The following CSMD1 variants were observed in gnomAD, a reference collection of about 807,000 sequenced individuals.
The protein encoded by CSMD1 is CUB and Sushi multiple domains 1.
Under a neutral mutation model 417.5 loss-of-function variants are expected in CSMD1, and 213 were observed. The ratio of observed to expected loss-of-function variants is 0.51; its 90% CI spans 0.46 to 0.57. The LOEUF (loss-of-function observed/expected upper bound fraction) is 0.57. Ranked by LOEUF, CSMD1 falls within the 20% of genes least tolerant of loss-of-function variation. The pLI is 0.00. For missense variants in CSMD1, 6,923 were observed against 4,529.7 expected (o/e 1.53, Z -15.17); for synonymous variants, 2,862 against 1,736.8 (o/e 1.65, Z -16.11).
chr8:4,410,353 G>A (rs749452442), intron 3 of CSMD1, among the ~76,000 whole-genome samples: 13 of 152,160 alleles, frequency 8.5e-5, no homozygotes, highest in Non-Finnish European at 1.8e-4. Context: ...CTGGGAAACT[G>A]CATGGAACCC....
At chr8:4,106,950 C>T (rs1191591120) in intron 3 of CSMD1, among the ~76,000 whole-genome samples, 4 of 152,174 alleles carry the variant, frequency 2.6e-5, no homozygotes, top group Admixed American at 1.3e-4. Context: ...TTCTCAGTTT[C>T]ACAGGGAGAA....
chr8:3,993,055 T>A (rs1814881188), intron 5 of CSMD1, among the ~76,000 whole-genome samples: 1 of 152,100 alleles, frequency 6.6e-6, no homozygotes, highest in Non-Finnish European at 1.5e-5. Flanking sequence ...AGAAAAGACA[T>A]CAGTAGAAAA....
intron 10 of CSMD1, among the ~76,000 whole-genome samples, chr8:3,520,884 C>G (rs1404946872): frequency 1.3e-5 from 2 of 152,160 alleles, no homozygotes; most frequent in Non-Finnish European, 2.9e-5. Flanking sequence ...ACCCTTGTGT[C>G]TAGCACTGGA....
At chr8:4,833,299 G>A (rs1234691400) in intron 1 of CSMD1, among the ~76,000 whole-genome samples, 5 of 152,188 alleles carry the variant, frequency 3.3e-5, no homozygotes, top group Admixed American at 6.5e-5. Context: ...GCAGAAGGGC[G>A]AATGGGAAGC....
chr8:4,549,543 A>T (rs1470906663), intron 2 of CSMD1, among the ~76,000 whole-genome samples: 1 of 152,106 alleles, frequency 6.6e-6, no homozygotes, highest in African/African-American at 2.4e-5. Context: ...CAAGAAAGAC[A>T]GTCATGTGCA....
intron 56 of CSMD1, among the ~76,000 whole-genome samples, chr8:2,973,945 G>T (rs1416018883): frequency 1.4e-5 from 2 of 143,144 alleles, no homozygotes; most frequent in Admixed American, 1.3e-4. Flanking sequence ...GGTAGAGGAT[G>T]ATGGTAGAGG....
chr8:4,224,428 T>C (rs970121793), intron 3 of CSMD1, among the ~76,000 whole-genome samples: 4 of 152,142 alleles, frequency 2.6e-5, no homozygotes, highest in African/African-American at 9.7e-5. Flanking sequence ...ACCTAGGAAA[T>C]CTTTTAAAGC....
intron 10 of CSMD1, among the ~76,000 whole-genome samples, chr8:3,543,248 G>C (rs556729682): frequency 1.3e-5 from 2 of 152,364 alleles, no homozygotes; most frequent in African/African-American, 4.8e-5. Flanking sequence ...ATGTGACGTA[G>C]AGCAGAGGTG....
intron 5 of CSMD1, among the ~76,000 whole-genome samples, chr8:3,859,912 A>C (rs1804578521): frequency 6.6e-6 from 1 of 152,136 alleles, no homozygotes; most frequent in Admixed American, 6.5e-5. Context: ...CTTCTGTAAT[A>C]AGCTATAACC....
intron 4 of CSMD1, among the ~76,000 whole-genome samples, chr8:4,013,364 G>C (rs1256910999): frequency 1.3e-5 from 2 of 152,106 alleles, no homozygotes; most frequent in Non-Finnish European, 2.9e-5. Context: ...TGATCCCTCT[G>C]TCAGAACCAC....
rs184213463 is a variant in CSMD1, at chr8:3,491,507, C to A, written c.1448+2116G>T. On this transcript the variant is annotated intron_variant, in intron 11 of 69. Coordinates refer to ENST00000635120, the MANE Select transcript of CSMD1 (RefSeq NM_033225.6). ...ATTATAATAAGTTGTGGTCCAGCAA[C>A]ATGATTTCAATTATGCTTATTAGTA... Among the ~76,000 whole-genome samples the A allele has an allele frequency of 2.6e-5, 4 of 152,256 alleles. No homozygotes were observed. The East Asian group carries it at 7.7e-4, about 29-fold the overall frequency.
intron 3 of CSMD1, among the ~76,000 whole-genome samples, chr8:4,058,235 G>A (rs1328313705): frequency 6.6e-6 from 1 of 151,982 alleles, no homozygotes; most frequent in African/African-American, 2.4e-5. Flanking sequence ...AGTTCTCCTT[G>A]AAGAGGTCCT....
chr8:4,267,539 C>T (rs1001960785), intron 3 of CSMD1, among the ~76,000 whole-genome samples: 4 of 151,580 alleles, frequency 2.6e-5, no homozygotes, highest in Non-Finnish European at 4.4e-5. Context: ...ACTGCAACTC[C>T]AATTGTAATA....
At chr8:3,172,808 T>G (rs1820665381) in intron 37 of CSMD1, among the ~76,000 whole-genome samples, 1 of 152,214 alleles carries the variant, frequency 6.6e-6, no homozygotes, top group Non-Finnish European at 1.5e-5. Context: ...AATTGTCAGT[T>G]TCCATTGAAA....
At chr8:3,685,013 G>C (rs1799875458) in intron 7 of CSMD1, among the ~76,000 whole-genome samples, 1 of 152,096 alleles carries the variant, frequency 6.6e-6, no homozygotes, top group Non-Finnish European at 1.5e-5. Flanking sequence ...ACTGAAGTGA[G>C]CTCCACTTAG....
intron 3 of CSMD1, among the ~76,000 whole-genome samples, chr8:4,267,915 G>T (rs902060572): frequency 3.3e-5 from 5 of 151,980 alleles, no homozygotes; most frequent in Admixed American, 3.3e-4. Context: ...AATAAAATAG[G>T]ACTCACTTAT....
At chr8:3,178,794 A>C (rs894259632) in intron 37 of CSMD1, among the ~76,000 whole-genome samples, 27 of 152,128 alleles carry the variant, frequency 1.8e-4, no homozygotes, top group Admixed American at 1.6e-3. Context: ...AGATTTGTAG[A>C]TTGGCAGTCC....
At chr8:4,472,084 T>G (rs980925627) in intron 2 of CSMD1, among the ~76,000 whole-genome samples, 1 of 152,330 alleles carries the variant, frequency 6.6e-6, no homozygotes, top group African/African-American at 2.4e-5. Context: ...TTCGACACAG[T>G]CAGCAGAGAT....
chr8:3,539,459 T>C (rs1798347354), intron 10 of CSMD1, among the ~76,000 whole-genome samples: 1 of 152,176 alleles, frequency 6.6e-6, no homozygotes, highest in Non-Finnish European at 1.5e-5. Flanking sequence ...TTTATGTGTG[T>C]TCTAATCTGC....
Sources: allele counts gnomAD v4.1 joint callset (sites outside exome capture counted in the v4.1 genomes callset), GRCh38; gene constraint gnomAD v4.1.1; transcripts MANE v1.5; gene names NCBI Gene and HGNC (gene_info 2026-07-23, HGNC 2026-07-21).